Variants in MICAL2 observed in about 807,000 individuals in gnomAD.
The protein encoded by MICAL2 is microtubule associated monooxygenase, calponin and LIM domain containing 2, also known as [F-actin]-monooxygenase MICAL2.
Under a neutral mutation model 127.3 loss-of-function variants are expected in MICAL2, and 77 were observed. That is an observed-to-expected ratio of 0.60 (90% CI 0.50 to 0.73). The LOEUF (loss-of-function observed/expected upper bound fraction) is 0.73, where lower values mean the gene tolerates loss of function less well. Among genes scored for constraint, MICAL2 ranks in the 30% least tolerant of loss-of-function variants. The pLI is 0.00. For missense variants in MICAL2, 1,351 were observed against 1,434.4 expected (o/e 0.94, Z 0.94); for synonymous variants, 570 against 551.1 (o/e 1.03, Z -0.48).
downstream of MICAL2, among the ~76,000 whole-genome samples, chr11:12,295,202 T>C (rs1863970853): frequency 6.6e-6 from 1 of 151,698 alleles, no homozygotes; most frequent in Admixed American, 6.6e-5. Context: ...TGCAGTGGCA[T>C]GATCCCAGCT....
intron 15 of MICAL2, among the ~76,000 whole-genome samples, chr11:12,228,879 G>A (rs1176631997): frequency 6.6e-6 from 1 of 152,174 alleles, no homozygotes; most frequent in Non-Finnish European, 1.5e-5. Flanking sequence ...AAGATGGGTG[G>A]AGGAGAATAG....
At chr11:12,283,336 T>C in intron 2 of MICAL2, among the ~76,000 whole-genome samples, 1 of 124,410 alleles carries the variant, frequency 8.0e-6, no homozygotes, top group African/African-American at 3.3e-5. Flanking sequence ...GGTTGCAGTG[T>C]GGAGTTTAAA....
chr11:12,196,026 C>CT (rs1859875104), intron 3 of MICAL2: 1 of 153,474 alleles, frequency 6.5e-6, no homozygotes, highest in South Asian at 2.1e-4. Context: ...TGGGGACAGA[C>CT]TGCAAAGTGA....
chr11:12,162,508 A>G (rs1300906310), intron 3 of MICAL2, 89 bp downstream of exon 3: 11 of 1,492,206 alleles, frequency 7.4e-6, no homozygotes, highest in South Asian at 1.3e-5. Context: ...TTGGCACTCT[A>G]CGGTTCTTAG....
rs913368081 is a variant in MICAL2 at position 12,110,597 on chromosome 11, T to C, written c.-278T>C. 7 of 151,936 alleles carry C rather than the reference T, an allele frequency of 4.6e-5. No homozygotes were observed. In the East Asian group the frequency reaches 1.4e-3, roughly 29 times the overall value. 9.4% of individuals were successfully genotyped at this position (151,936 alleles called of 1,614,324 possible). Reference sequence around the variant, plus strand: ...CGGCGCAGAACCGCAGGCGCTCGGCTGGCTAAGCCTGCGCCGGGCCGCCTC... The same window carrying C: ...CGGCGCAGAACCGCAGGCGCTCGGCCGGCTAAGCCTGCGCCGGGCCGCCTC... On this transcript the variant is annotated 5_prime_UTR_variant, in exon 1 of 28. Transcript: ENST00000683283. The surrounding 1 kb of genome is among the most constrained non-coding windows in gnomAD (Gnocchi z 4.5).
chr11:12,295,441 C>T (rs1019398652), downstream of MICAL2, among the ~76,000 whole-genome samples: 16 of 126,354 alleles, frequency 1.3e-4, no homozygotes, highest in Admixed American at 3.3e-4. Flanking sequence ...TGCTCAGCCT[C>T]TTTTTTTTTT....
intron 32 of MICAL2, among the ~76,000 whole-genome samples, chr11:12,334,260 C>A (rs1474326246): frequency 6.6e-6 from 1 of 152,128 alleles, no homozygotes; most frequent in Admixed American, 6.5e-5. Context: ...TGCGTATAAC[C>A]TATGCACGTC....
chr11:12,156,378 GC>G (rs1210887364), intron 2 of MICAL2, among the ~76,000 whole-genome samples: 4 of 152,186 alleles, frequency 2.6e-5, no homozygotes, highest in African/African-American at 9.7e-5. Flanking sequence ...AATAGAGAAG[GC>G]TTTGGAGAAG....
Position 12,226,133 on chromosome 11 carries a change from C to T in MICAL2, c.1689-38C>T. On this transcript the variant is annotated intron_variant, in intron 13 of 27. Coordinates refer to ENST00000683283, the MANE Select transcript of MICAL2 (RefSeq NM_001282663.2). ...GCTCAGCTCGCCACACCTCTGCCTC[C>T]TCTCCCTGAATTTCTCTGCTTTGTT... 3 of 1,607,360 alleles carry T rather than the reference C, an allele frequency of 1.9e-6. No individual in the cohort carries two copies. In the South Asian group the frequency reaches 3.3e-5, roughly 18 times the overall value.
intron 2 of MICAL2, among the ~76,000 whole-genome samples, chr11:12,139,157 T>C (rs1852107330): frequency 6.6e-6 from 1 of 152,118 alleles, no homozygotes; most frequent in Non-Finnish European, 1.5e-5. Context: ...TGGTGTCCAA[T>C]GGAGAATGGA....
At chr11:12,264,091 T>G (rs192645643), downstream of MICAL2, among the ~76,000 whole-genome samples, 1 of 152,314 alleles carries the variant, frequency 6.6e-6, no homozygotes, top group East Asian at 1.9e-4. Flanking sequence ...AGAAGCAGAC[T>G]GTATTGATGG....
At chr11:12,127,041 G>C (rs75140805) in intron 1 of MICAL2, among the ~76,000 whole-genome samples, 3 of 152,138 alleles carry the variant, frequency 2.0e-5, no homozygotes, top group Non-Finnish European at 4.4e-5. Context: ...GGGAAATGAG[G>C]CTAGGCAGGT....
chr11:12,156,888 G>A (rs1042107061), intron 2 of MICAL2, among the ~76,000 whole-genome samples: 4 of 152,258 alleles, frequency 2.6e-5, no homozygotes, highest in African/African-American at 9.6e-5. Flanking sequence ...CTGCGAGTGT[G>A]GGGGGAACAC....
intron 16 of MICAL2, among the ~76,000 whole-genome samples, chr11:12,236,870 A>G (rs1859144705): frequency 6.6e-6 from 1 of 152,058 alleles, no homozygotes. Flanking sequence ...AGCCATTCCA[A>G]CTCCACAAGC....
intron 32 of MICAL2, among the ~76,000 whole-genome samples, chr11:12,345,613 C>T (rs1938942267): frequency 6.6e-6 from 1 of 152,118 alleles, no homozygotes; most frequent in African/African-American, 2.4e-5. Flanking sequence ...TGATATTTAA[C>T]AAGATGCATA....
At chr11:12,223,325 T>C (rs368626755) in intron 11 of MICAL2, 86 bp from the exon 12 acceptor site, 1 of 1,187,000 alleles carries the variant, frequency 8.4e-7, no homozygotes, top group Non-Finnish European at 1.2e-6. Flanking sequence ...TGGCAGGCAC[T>C]GAATTGGGGG....
chr11:12,346,256 A>G (rs1272566243), intron 32 of MICAL2, among the ~76,000 whole-genome samples: 4 of 152,250 alleles, frequency 2.6e-5, no homozygotes, highest in East Asian at 1.9e-4. Context: ...TTCTTCTACC[A>G]TGTGTATTGT....
At chr11:12,321,124 T>TCTC in intron 30 of MICAL2, among the ~76,000 whole-genome samples, 1 of 152,032 alleles carries the variant, frequency 6.6e-6, no homozygotes, top group Non-Finnish European at 1.5e-5. Context: ...TTAGGACCAG[T>TCTC]CTCACAAATA....
At chr11:12,204,561 C>T in intron 4 of MICAL2, 104 bp downstream of exon 4, 1 of 1,131,440 alleles carries the variant, frequency 8.8e-7, no homozygotes, top group Admixed American at 2.1e-5. Context: ...ATCTTAGTCC[C>T]TGGGGGCACC....
Sources: gnomAD v4.1 joint callset for allele counts (sites outside exome capture counted in the v4.1 genomes callset) on GRCh38, gnomAD v4.1.1 for gene constraint, Gnocchi (gnomAD v3.1) non-coding constraint, MANE v1.5 for transcripts, NCBI Gene and HGNC (gene_info 2026-07-23, HGNC 2026-07-21) for gene names.